Variants in KCNIP4 observed in about 807,000 individuals in gnomAD.
KCNIP4 encodes potassium voltage-gated channel interacting protein 4.
In KCNIP4, 12 loss-of-function variants were observed where a neutral mutation model predicts 34.0. The observed-to-expected ratio is 0.35, with a 90% CI of 0.23 to 0.57. KCNIP4 has a LOEUF of 0.57. KCNIP4 is among the 20% of genes least tolerant of loss of function. The pLI is 0.83. For synonymous variants in KCNIP4, 124 were observed against 102.2 expected (o/e 1.21, Z -1.29); for missense variants, 238 against 311.7 (o/e 0.76, Z 1.78).
At chr4:20,879,120 C>T (rs1025690442) in intron 2 of KCNIP4, among the ~76,000 whole-genome samples, 6 of 152,086 alleles carry the variant, frequency 3.9e-5, no homozygotes, top group African/African-American at 1.4e-4. Flanking sequence ...CAAAGAGCTG[C>T]GGGCAATTGA....
intron 1 of KCNIP4, among the ~76,000 whole-genome samples, chr4:21,024,090 T>C (rs1182055791): frequency 6.6e-6 from 1 of 152,214 alleles, no homozygotes; most frequent in African/African-American, 2.4e-5. Context: ...AGAAAGTAAG[T>C]GATTTTATAT....
chr4:21,859,362 C>A (rs1407079127), intron 1 of KCNIP4, among the ~76,000 whole-genome samples: 1 of 151,906 alleles, frequency 6.6e-6, no homozygotes, highest in Non-Finnish European at 1.5e-5. Flanking sequence ...CTAACCACTT[C>A]TTAAGAATAG....
At chr4:21,494,240 A>G (rs548816912) in intron 1 of KCNIP4, among the ~76,000 whole-genome samples, 1 of 152,288 alleles carries the variant, frequency 6.6e-6, no homozygotes, top group African/African-American at 2.4e-5. Flanking sequence ...TTTAATCAGC[A>G]TGAGTGTTAG....
chr4:21,064,128 T>G (rs906862867), intron 1 of KCNIP4, among the ~76,000 whole-genome samples: 1 of 152,164 alleles, frequency 6.6e-6, no homozygotes, highest in Non-Finnish European at 1.5e-5. Context: ...TCCAACAATT[T>G]CATACTGACA....
chr4:21,709,272 A>G (rs1321584944), intron 1 of KCNIP4, among the ~76,000 whole-genome samples: 2 of 152,178 alleles, frequency 1.3e-5, no homozygotes, highest in African/African-American at 4.8e-5. Flanking sequence ...CTCAGTATAT[A>G]TTTATTGAGT....
At chr4:21,277,768 C>T (rs572546928) in intron 1 of KCNIP4, among the ~76,000 whole-genome samples, 2 of 152,072 alleles carry the variant, frequency 1.3e-5, no homozygotes, top group Non-Finnish European at 2.9e-5. Context: ...CAAAATAATT[C>T]GCCAGAGTTG....
intron 1 of KCNIP4, among the ~76,000 whole-genome samples, chr4:20,912,558 C>T: frequency 6.6e-6 from 1 of 152,228 alleles, no homozygotes; most frequent in Non-Finnish European, 1.5e-5. Flanking sequence ...TTTAAAACTT[C>T]TGTGCTTCAA....
At chr4:21,676,493 G>T (rs1374295756) in intron 1 of KCNIP4, among the ~76,000 whole-genome samples, 4 of 152,152 alleles carry the variant, frequency 2.6e-5, no homozygotes, top group African/African-American at 9.7e-5. Flanking sequence ...TCCTCCCATT[G>T]CAGCAGAGAT....
At chr4:21,796,923 G>A (rs1188983744) in intron 1 of KCNIP4, among the ~76,000 whole-genome samples, 3 of 152,160 alleles carry the variant, frequency 2.0e-5, no homozygotes, top group Non-Finnish European at 4.4e-5. Flanking sequence ...TTGATGCCTA[G>A]CATGCTCCCT....
chr4:21,335,179 G>C (rs554735622), intron 1 of KCNIP4, among the ~76,000 whole-genome samples: 1 of 151,928 alleles, frequency 6.6e-6, no homozygotes, highest in African/African-American at 2.4e-5. Flanking sequence ...ATCAGTTCTT[G>C]TCTCTGCCCT....
chr4:21,392,759 C>G (rs1360865203), intron 1 of KCNIP4, among the ~76,000 whole-genome samples: 1 of 152,196 alleles, frequency 6.6e-6, no homozygotes, highest in Non-Finnish European at 1.5e-5. Flanking sequence ...TCATTATTAA[C>G]TTACAACATT....
At chr4:21,114,951 C>T (rs73105365) in intron 1 of KCNIP4, among the ~76,000 whole-genome samples, 2 of 152,224 alleles carry the variant, frequency 1.3e-5, no homozygotes, top group South Asian at 2.1e-4. Flanking sequence ...AGTAAAAAGA[C>T]TCAAAAATAA....
chr4:21,599,222 G>A (rs1215918680), intron 1 of KCNIP4, among the ~76,000 whole-genome samples: 1 of 151,922 alleles, frequency 6.6e-6, no homozygotes. Context: ...AATACATTTT[G>A]AATATTAATA....
chr4:21,758,747 G>GTTTCT (rs199710046), intron 1 of KCNIP4, among the ~76,000 whole-genome samples: 1 of 151,690 alleles, frequency 6.6e-6, no homozygotes, highest in Non-Finnish European at 1.5e-5. Flanking sequence ...AGCCATATAT[G>GTTTCT]GGCTGCTTCT....
At chr4:21,749,917 T>A (rs1419464484) in intron 1 of KCNIP4, among the ~76,000 whole-genome samples, 3 of 152,206 alleles carry the variant, frequency 2.0e-5, no homozygotes, top group Non-Finnish European at 4.4e-5. Flanking sequence ...AGGCTGAGGC[T>A]GGAGCTATAC....
At chr4:21,463,243 G>C (rs1729627254) in intron 1 of KCNIP4, among the ~76,000 whole-genome samples, 1 of 152,012 alleles carries the variant, frequency 6.6e-6, no homozygotes, top group South Asian at 2.1e-4. Context: ...ATTGTGTTTT[G>C]ATTTGCATTT....
intron 1 of KCNIP4, among the ~76,000 whole-genome samples, chr4:21,938,820 A>T (rs977561033): frequency 6.6e-6 from 1 of 152,206 alleles, no homozygotes; most frequent in Non-Finnish European, 1.5e-5. Context: ...GGGGTAGAGA[A>T]GGAAGATATG....
At chr4:20,743,875 A>C (rs1321158357) in intron 5 of KCNIP4, among the ~76,000 whole-genome samples, 1 of 152,114 alleles carries the variant, frequency 6.6e-6, no homozygotes, top group Non-Finnish European at 1.5e-5. Context: ...TACTCATCTG[A>C]CAAAGGGCTA....
chr4:21,894,483 T>C (rs1727270461), intron 1 of KCNIP4, among the ~76,000 whole-genome samples: 1 of 152,148 alleles, frequency 6.6e-6, no homozygotes, highest in African/African-American at 2.4e-5. Flanking sequence ...ACTACAAAAA[T>C]AATAGGTACA....
Sources: allele counts gnomAD v4.1 joint callset (sites outside exome capture counted in the v4.1 genomes callset), GRCh38; gene constraint gnomAD v4.1.1; transcripts MANE v1.5; gene names NCBI Gene and HGNC (gene_info 2026-07-23, HGNC 2026-07-21).